PIGS: variants seen among roughly 807,000 people sequenced by gnomAD.
PIGS encodes the protein phosphatidylinositol glycan anchor biosynthesis class S.
Under a neutral mutation model 58.2 loss-of-function variants are expected in PIGS, and 37 were observed. The observed-to-expected ratio is 0.64, with a 90% CI of 0.49 to 0.84. The LOEUF is 0.84. PIGS is among the 40% of genes least tolerant of loss of function. PIGS has a pLI of 0.00. For missense variants in PIGS, 629 were observed against 710.8 expected (o/e 0.88, Z 1.31); for synonymous variants, 269 against 289.2 (o/e 0.93, Z 0.71).
chr17:28,561,460 C>T lies in PIGS; in HGVS notation c.638G>A (p.Trp213Ter). 2.5e-6 allele frequency: 4 copies of T among 1,614,050 alleles called. No homozygotes were observed. Among genetic ancestry groups the T allele is most frequent in the Non-Finnish European group, 3.4e-6 (4 of 1,179,932 alleles). The change falls in exon 6 of 12, where the codon TGG (tryptophan) becomes TAG (stop). Residue 213 changes from tryptophan (W) to a stop codon, truncating the protein, a stop_gained. Coordinates refer to ENST00000308360, the MANE Select transcript of PIGS (RefSeq NM_033198.4). LOFTEE classifies it high-confidence loss of function. ...ALADHLPEDK[W>*]SAEKRRPLKS... ...GAGAGGCCGCCTCTTCTCAGCGCTC[C>T]ACTTGTCCTCTGGAAGGTGGTCAGC...
At chr17:28,570,339 C>T (rs972286355) in intron 3 of PIGS, among the ~76,000 whole-genome samples, 42 of 152,162 alleles carry the variant, frequency 2.8e-4, no homozygotes, top group African/African-American at 1.0e-3. Context: ...GGCATAACCC[C>T]GTCTCTACTA....
chr17:28,561,223 A>G (rs1283820413), intron 6 of PIGS, among the ~76,000 whole-genome samples, 199 bp downstream of exon 6: 2 of 152,136 alleles, frequency 1.3e-5, no homozygotes, highest in Non-Finnish European at 2.9e-5. Flanking sequence ...GTGCCACTGC[A>G]CTCAGCCCAG....
intron 4 of PIGS, 139 bp from the exon 5 acceptor site, chr17:28,563,661 T>G: frequency 1.7e-6 from 2 of 1,169,410 alleles, no homozygotes; most frequent in Non-Finnish European, 2.5e-6. Context: ...TCAACCTCTC[T>G]GGCCCTCAGT....
At chr17:28,569,763 C>T (rs1055703284) in intron 3 of PIGS, among the ~76,000 whole-genome samples, 12 of 152,188 alleles carry the variant, frequency 7.9e-5, no homozygotes, top group Non-Finnish European at 8.8e-5. Context: ...GCTGTGTGAC[C>T]TTGCACAAGT....
At position 28,554,292 on chromosome 17, in the gene PIGS, G is replaced by C. The variant is rs766280975; in HGVS notation, c.1596C>G (p.Pro532=). ...YIPLFLPMAV[P]ILLSLVKIFL... ...AGATCTTGACCAGGGACAGGAGGAT[G>C]GGCACAGCCATAGGCAGGAAGAGTG... is the stretch of plus-strand genomic sequence containing the variant. The change falls in exon 12 of 12, where the codon CCC becomes CCG. Residue 532 remains proline (P), a synonymous_variant. Transcript: ENST00000308360. 3.7e-6 allele frequency: 6 copies of C among 1,614,190 alleles called. No homozygotes were observed. Among genetic ancestry groups the C allele is most frequent in the Middle Eastern group, 1.6e-4 (1 of 6,062 alleles).
intron 5 of PIGS, chr17:28,561,834 C>T (rs1321378640): frequency 3.6e-6 from 2 of 558,062 alleles, no homozygotes; most frequent in East Asian, 3.2e-5. Flanking sequence ...TCTTCTTTTT[C>T]CCAGTTGACA....
Position 28,554,878 on chromosome 17 carries a change from A to G in PIGS, c.1365T>C (p.Ile455=). Residue 455 remains isoleucine (I), a synonymous_variant, in exon 11 of 12, where the codon ATT becomes ATC. Transcript: ENST00000308360. ...CAGATGCCACGTCGTCCTTAATGAC[A>G]ATGTTGCTGATCTTGCCCAGAAGCT... ...LAQLLGKISN[I]VIKDDVASEV... is the part of the protein sequence containing the mutation. The G allele has an allele frequency of 6.2e-7, 1 of 1,614,092 alleles. No homozygotes were observed. Among genetic ancestry groups the G allele is most frequent in the Non-Finnish European group, 8.5e-7 (1 of 1,180,006 alleles).
chr17:28,563,056 T>G (rs1194046354), intron 5 of PIGS, among the ~76,000 whole-genome samples: 1 of 152,000 alleles, frequency 6.6e-6, no homozygotes, highest in Non-Finnish European at 1.5e-5. Flanking sequence ...GCCTGTAATC[T>G]CAGCACTCTG....
intron 6 of PIGS, among the ~76,000 whole-genome samples, chr17:28,560,606 C>T (rs1198312448): frequency 2.0e-5 from 3 of 151,962 alleles, no homozygotes; most frequent in African/African-American, 4.8e-5. Context: ...GGTGAAACCC[C>T]GTCTCTACTA....
chr17:28,557,072 T>A, intron 8 of PIGS, 100 bp from the exon 9 acceptor site: 1 of 1,267,652 alleles, frequency 7.9e-7, no homozygotes, highest in South Asian at 1.3e-5. Flanking sequence ...TGGGACTGAT[T>A]CCCCAACTAA....
intron 3 of PIGS, 33 bp downstream of exon 3, chr17:28,570,819 G>A (rs753458605): frequency 1.2e-6 from 2 of 1,608,860 alleles, no homozygotes; most frequent in South Asian, 1.1e-5. Flanking sequence ...TGAGCTCAGA[G>A]GCGAAAAGCA....
At chr17:28,557,010 T>C (rs377667665) in intron 8 of PIGS, 38 bp from the exon 9 acceptor site, 5 of 1,612,176 alleles carry the variant, frequency 3.1e-6, no homozygotes, top group Non-Finnish European at 4.2e-6. Flanking sequence ...CAAAACATGC[T>C]GGACCTGGAC....
At chr17:28,571,216 G>T in intron 1 of PIGS, 28 bp from the exon 2 acceptor site, 3 of 1,606,164 alleles carry the variant, frequency 1.9e-6, no homozygotes, top group Non-Finnish European at 2.6e-6. Flanking sequence ...CGACTGAGGC[G>T]CTGGAAACGG....
rs141039039 is a variant in PIGS at position 28,560,114 on chromosome 17, G to T, written c.754C>A (p.Arg252=). 5.0e-6 allele frequency: 8 copies of T among 1,613,362 alleles called. No individual in the cohort carries two copies. Among genetic ancestry groups the T allele is most frequent in the Non-Finnish European group, 6.8e-6 (8 of 1,179,786 alleles). The change falls in exon 7 of 12, where the codon CGG becomes AGG. Residue 252 remains arginine (R), a synonymous_variant. Transcript: ENST00000308360. ...TTCAGGAAAGGTTGCACATAGCGCC[G>T]GACAGCCCCCTCAATGTCCCAGTAG... ...DVYWDIEGAV[R]RYVQPFLNAL...
At chr17:28,569,111 A>G (rs2070411903) in intron 3 of PIGS, among the ~76,000 whole-genome samples, 1 of 151,606 alleles carries the variant, frequency 6.6e-6, no homozygotes, top group Non-Finnish European at 1.5e-5. Context: ...AAAAAAAAAA[A>G]AAAAGAAAGA....
In PIGS at chr17:28,570,975, A is replaced by C. The variant is rs2070423938; in HGVS notation, c.175-12T>G. 1 of 1,614,086 alleles carries C rather than the reference A, an allele frequency of 6.2e-7. No homozygotes were observed. The highest frequency in any genetic ancestry group is 8.5e-7 in the Non-Finnish European group (1 of 1,180,036). The stretch of plus-strand genomic sequence containing the variant: ...ACCATGAGGCGGAGCTACAGGAAGG[A>C]GCATCAGGGCCGTCACTGAGTCTCC... On this transcript the variant is annotated splice_polypyrimidine_tract_variant and intron_variant, in intron 2 of 11. Transcript: ENST00000308360.
At chr17:28,556,559 C>T (rs1292467507) in intron 9 of PIGS, 1 of 716,776 alleles carries the variant, frequency 1.4e-6, no homozygotes, top group Non-Finnish European at 2.5e-6. Flanking sequence ...TTGCAAGACT[C>T]CCACAAATAA....
Position 28,571,508 on chromosome 17 carries a change from G to A in PIGS, c.-12C>T, listed in dbSNP as rs764871749. 18 of 1,601,800 alleles carry A rather than the reference G, an allele frequency of 1.1e-5. No homozygotes were observed. Among genetic ancestry groups the A allele is most frequent in the Non-Finnish European group, 1.5e-5 (18 of 1,174,486 alleles). ...CCGGCGGCCGCCATGCTAGCTTCCG[G>A]CTGCTCCGGCCACCGTGGGGGCAGA... On this transcript the variant is annotated 5_prime_UTR_variant, in exon 1 of 12. Coordinates refer to ENST00000308360, the MANE Select transcript of PIGS (RefSeq NM_033198.4).
In PIGS at chr17:28,558,506, G is replaced by A; in HGVS notation, c.904C>T (p.His302Tyr). The change falls in exon 8 of 12, where the codon CAT becomes TAT. Residue 302 changes from histidine to tyrosine, a missense_variant. By Grantham distance (83) the His-to-Tyr change is moderately conservative (BLOSUM62 2). Transcript: ENST00000308360. ...SYYLDMHSLP[H>Y]VINPVESRLG... ...CGGGACTCCACTGGGTTGATGACATGGGGGAGGCTGTGCATGTCCAAATAG... is the reference window on the plus strand; with the variant it reads ...CGGGACTCCACTGGGTTGATGACATAGGGGAGGCTGTGCATGTCCAAATAG... 6.2e-7 allele frequency: 1 copy of A among 1,612,962 alleles called. No homozygotes were observed. Among genetic ancestry groups the A allele is most frequent in the Non-Finnish European group, 8.5e-7 (1 of 1,179,638 alleles).
Sources: gnomAD v4.1 joint callset for allele counts (sites outside exome capture counted in the v4.1 genomes callset) on GRCh38, gnomAD v4.1.1 for gene constraint, MANE v1.5 for transcripts, NCBI Gene and HGNC (gene_info 2026-07-23, HGNC 2026-07-21) for gene names.